Variants in CBX1 observed in about 807,000 individuals in gnomAD.
The protein encoded by CBX1 is chromobox protein homolog 1.
Under a neutral mutation model 25.1 loss-of-function variants are expected in CBX1, and 10 were observed. The observed-to-expected ratio is 0.40, with a 90% CI of 0.25 to 0.68. The LOEUF (loss-of-function observed/expected upper bound fraction) is 0.68, where lower values mean the gene tolerates loss of function less well. Among genes scored for constraint, CBX1 ranks in the 30% least tolerant of loss-of-function variants. The pLI, the probability that CBX1 is intolerant of heterozygous loss-of-function variation, is 0.40. For synonymous variants in CBX1, 63 were observed against 79.4 expected, an observed-to-expected ratio of 0.79 and a Z score of 1.10; for missense variants, 106 against 218.5, an observed-to-expected ratio of 0.49 and a Z score of 3.25.
At chr17:48,088,310 G>GA (rs111442783) in intron 1 of CBX1, 22,751 of 125,878 alleles carry the variant, frequency 0.18, 2,392 homozygotes, top group African/African-American at 0.33. Context: ...GCCTCCGTCT[G>GA]AAAAAAAAAA....
chr17:48,076,811 T>C, intron 2 of CBX1, 54 bp downstream of exon 2: 2 of 1,550,328 alleles, frequency 1.3e-6, no homozygotes, highest in Admixed American at 1.8e-5. Flanking sequence ...CATACATCTC[T>C]AGACTCCTGA....
At chr17:48,077,442 T>TTG (rs2037686919) in intron 1 of CBX1, among the ~76,000 whole-genome samples, 2 of 42,248 alleles carry the variant, frequency 4.7e-5, no homozygotes, top group Admixed American at 2.1e-4. Context: ...TGTTTTTTTT[T>TTG]TTGTTTTTTT....
At chr17:48,080,728 T>C (rs2144440274) in intron 1 of CBX1, among the ~76,000 whole-genome samples, 1 of 150,694 alleles carries the variant, frequency 6.6e-6, no homozygotes, top group East Asian at 2.0e-4. Flanking sequence ...CGAGACCAGC[T>C]TGGCCAATAT....
At chr17:48,087,197 AAAAAG>A (rs914891107) in intron 1 of CBX1, among the ~76,000 whole-genome samples, 2 of 144,912 alleles carry the variant, frequency 1.4e-5, no homozygotes, top group African/African-American at 5.0e-5. Flanking sequence ...TCAAAAAAAA[AAAAAG>A]AAAAGAATTC....
chr17:48,085,885 G>A (rs978332742), intron 1 of CBX1, among the ~76,000 whole-genome samples: 1 of 152,046 alleles, frequency 6.6e-6, no homozygotes, highest in Non-Finnish European at 1.5e-5. Flanking sequence ...TGGCCAACGT[G>A]GCGAAACCTC....
intron 1 of CBX1, among the ~76,000 whole-genome samples, chr17:48,095,328 G>A (rs2063368142): frequency 1.3e-5 from 2 of 152,124 alleles, no homozygotes; most frequent in South Asian, 2.1e-4. Flanking sequence ...GGTGGCTCAC[G>A]CCTGTAATCC....
intron 1 of CBX1, among the ~76,000 whole-genome samples, chr17:48,094,314 A>T (rs915101429): frequency 1.1e-4 from 16 of 151,778 alleles, no homozygotes; most frequent in Non-Finnish European, 2.4e-4. Context: ...CATACCTGTA[A>T]TCCCAGATAG....
chr17:48,082,063 C>A (rs1390563855), intron 1 of CBX1, among the ~76,000 whole-genome samples: 2 of 152,060 alleles, frequency 1.3e-5, no homozygotes, highest in African/African-American at 4.8e-5. Flanking sequence ...CCAGCCTGGG[C>A]AACGTAGTGA....
At chr17:48,100,831 C>T (rs978716208) in intron 1 of CBX1, 3 of 985,624 alleles carry the variant, frequency 3.0e-6, no homozygotes, top group South Asian at 4.7e-5. Context: ...GTTCCTCTGG[C>T]AGTCCCAGCC....
chr17:48,087,448 C>A (rs985794492), intron 1 of CBX1, among the ~76,000 whole-genome samples: 2 of 151,752 alleles, frequency 1.3e-5, no homozygotes, highest in African/African-American at 4.8e-5. Context: ...GTGGTGTGCA[C>A]CTGTAATCCC....
rs1049488755 is a variant in CBX1 at position 48,082,727 on chromosome 17, G to A, written c.-37-5686C>T. 9.4e-5 allele frequency among the ~76,000 whole-genome samples: 14 copies of A among 149,506 alleles called. 2 individuals are homozygous for A. The highest frequency in any genetic ancestry group is 3.6e-4 in the African/African-American group (14 of 39,154). The stretch of plus-strand genomic sequence containing the variant: ...ATTTTTTTGTATTTTTAGTAAAGAC[G>A]TGGTTTCACCATGTTGGCCAGGCTG... On this transcript the variant is annotated intron_variant, in intron 1 of 4. Transcript: ENST00000225603.
intron 1 of CBX1, among the ~76,000 whole-genome samples, chr17:48,085,926 T>C (rs1347495037): frequency 6.6e-6 from 1 of 151,956 alleles, no homozygotes; most frequent in Non-Finnish European, 1.5e-5. Flanking sequence ...AAAAATAGGC[T>C]GGTCACGGTG....
intron 1 of CBX1, among the ~76,000 whole-genome samples, chr17:48,081,726 G>A (rs1472141706): frequency 6.6e-6 from 1 of 152,124 alleles, no homozygotes; most frequent in East Asian, 1.9e-4. Flanking sequence ...ACAGGCCTAA[G>A]CCACTGAGCC....
At chr17:48,077,279 G>A (rs970668048) in intron 1 of CBX1, among the ~76,000 whole-genome samples, 5 of 148,032 alleles carry the variant, frequency 3.4e-5, no homozygotes, top group African/African-American at 1.0e-4. Flanking sequence ...TTTGAGAGAC[G>A]GAGTCTTGCT....
At chr17:48,077,367 C>T (rs1315035683) in intron 1 of CBX1, among the ~76,000 whole-genome samples, 2 of 151,544 alleles carry the variant, frequency 1.3e-5, no homozygotes, top group South Asian at 2.1e-4. Flanking sequence ...AAGCGATTCT[C>T]CTGCCTCAGC....
intron 1 of CBX1, among the ~76,000 whole-genome samples, chr17:48,098,116 T>G (rs1172983012): frequency 1.3e-5 from 2 of 151,852 alleles, no homozygotes. Flanking sequence ...CCATGCATGG[T>G]GGCATGAGAC....
intron 4 of CBX1, among the ~76,000 whole-genome samples, chr17:48,073,384 T>C: frequency 6.6e-6 from 1 of 152,190 alleles, no homozygotes; most frequent in East Asian, 1.9e-4. Flanking sequence ...TGCTGACAGC[T>C]GAACAACACC....
At chr17:48,100,588 T>C (rs2063403286) in intron 1 of CBX1, 1 of 367,558 alleles carries the variant, frequency 2.7e-6, no homozygotes, top group Non-Finnish European at 3.8e-6. Context: ...GCGGCCTGCT[T>C]TCCCCTTTTT....
At chr17:48,092,716 T>G (rs2063350654) in intron 1 of CBX1, among the ~76,000 whole-genome samples, 1 of 151,918 alleles carries the variant, frequency 6.6e-6, no homozygotes, top group Admixed American at 6.6e-5. Context: ...ACTCCCAAAG[T>G]GCTGAGATTG....
Sources: allele counts gnomAD v4.1 joint callset (sites outside exome capture counted in the v4.1 genomes callset), GRCh38; gene constraint gnomAD v4.1.1; transcripts MANE v1.5; gene names NCBI Gene and HGNC (gene_info 2026-07-23, HGNC 2026-07-21).